PRR5L: variants seen among roughly 807,000 people sequenced by gnomAD.
PRR5L encodes proline rich 5 like.
PRR5L carries 21 observed loss-of-function variants against 36.4 expected under a neutral mutation model. That is an observed-to-expected ratio of 0.58 (90% CI 0.41 to 0.83). The LOEUF is 0.83. Among genes scored for constraint, PRR5L ranks in the 40% least tolerant of loss-of-function variants. The pLI is 0.00. For synonymous variants in PRR5L, 188 were observed against 197.0 expected (o/e 0.95, Z 0.38); for missense variants, 381 against 473.3 (o/e 0.80, Z 1.81).
intron 2 of PRR5L, among the ~76,000 whole-genome samples, chr11:36,401,709 G>A (rs1293732537): frequency 1.3e-5 from 2 of 152,162 alleles, no homozygotes; most frequent in African/African-American, 2.4e-5. Context: ...CTGGGATTAT[G>A]GGTGTGAGCT....
chr11:36,351,888 G>A (rs969115921), intron 1 of PRR5L, among the ~76,000 whole-genome samples: 27 of 148,880 alleles, frequency 1.8e-4, no homozygotes, highest in Non-Finnish European at 3.0e-4. Flanking sequence ...ATAAACATGC[G>A]TGTGCAAATA....
intron 1 of PRR5L, among the ~76,000 whole-genome samples, chr11:36,299,384 T>G (rs1175817685): frequency 1.4e-4 from 21 of 152,162 alleles, no homozygotes; most frequent in Admixed American, 1.4e-3. Context: ...CTTGGAGTGC[T>G]CCTATTGCTT....
At chr11:36,372,445 C>G (rs1565423354) in intron 1 of PRR5L, among the ~76,000 whole-genome samples, 1 of 152,172 alleles carries the variant, frequency 6.6e-6, no homozygotes, top group Non-Finnish European at 1.5e-5. Context: ...CTACTGCTTC[C>G]TTTATCTCAA....
intron 1 of PRR5L, among the ~76,000 whole-genome samples, chr11:36,346,540 G>A (rs182703253): frequency 0.012 from 1,861 of 151,846 alleles, 28 homozygotes; most frequent in South Asian, 0.03. Flanking sequence ...CCGAGATTGC[G>A]CCACTGCACT....
chr11:36,361,806 A>G (rs1036644705), intron 1 of PRR5L, among the ~76,000 whole-genome samples: 1 of 152,190 alleles, frequency 6.6e-6, no homozygotes, highest in Non-Finnish European at 1.5e-5. Context: ...GTTTTAGAGC[A>G]GCAGGTTCTA....
Position 36,446,281 on chromosome 11 carries a change from TCTC to T in PRR5L, c.445-15_445-13del. On this transcript the variant is annotated splice_polypyrimidine_tract_variant and intron_variant, in intron 6 of 8. Coordinates refer to ENST00000530639, the MANE Select transcript of PRR5L (RefSeq NM_001160167.2). ...AGTAAGCTCTCACCTCCCGGCCCTC[TCTC>T]CTCTGTCCCCTCTAGGGCCAGGAGC... 1.2e-6 allele frequency: 2 copies of T among 1,612,160 alleles called. No individual in the cohort carries two copies. Among genetic ancestry groups the T allele is most frequent in the Non-Finnish European group, 8.5e-7 (1 of 1,179,698 alleles).
intron 1 of PRR5L, among the ~76,000 whole-genome samples, chr11:36,391,681 CT>C (rs1296885455): frequency 6.6e-6 from 1 of 152,104 alleles, no homozygotes; most frequent in African/African-American, 2.4e-5. Flanking sequence ...TAGAATATTT[CT>C]TTTAATTTTT....
In PRR5L at chr11:36,346,149, A is replaced by AT. The variant is rs142699116; in HGVS notation, c.-126+49716dup. ...TCTTTTGAAGGATTTATTTTTTAAT[A>AT]TTTTTGTAGAGATGGGGCCTTATTA... On this transcript the variant is annotated intron_variant, in intron 1 of 8. Coordinates refer to ENST00000530639, the MANE Select transcript of PRR5L (RefSeq NM_001160167.2). Among the ~76,000 whole-genome samples, 358 of 152,126 alleles carry AT rather than the reference A, an allele frequency of 2.4e-3. 1 individual carries two copies. The highest frequency in any genetic ancestry group is 4.0e-3 in the Non-Finnish European group (269 of 67,972).
chr11:36,302,549 G>T (rs1283812552), intron 1 of PRR5L, among the ~76,000 whole-genome samples: 1 of 151,904 alleles, frequency 6.6e-6, no homozygotes, highest in Non-Finnish European at 1.5e-5. Flanking sequence ...ACTTTGGGAG[G>T]CCAAGGCAGG....
At chr11:36,383,400 G>A (rs1273561158) in intron 1 of PRR5L, among the ~76,000 whole-genome samples, 2 of 152,154 alleles carry the variant, frequency 1.3e-5, no homozygotes, top group Non-Finnish European at 2.9e-5. Context: ...GTCTCAAACT[G>A]GCAGCCCGTG....
intron 1 of PRR5L, among the ~76,000 whole-genome samples, chr11:36,380,931 A>G (rs949609693): frequency 3.3e-5 from 5 of 152,232 alleles, no homozygotes; most frequent in Admixed American, 6.5e-5. Context: ...AGCAGTAGAA[A>G]TCCATCTGAC....
chr11:36,409,326 C>T (rs142511986), intron 3 of PRR5L, among the ~76,000 whole-genome samples: 281 of 152,246 alleles, frequency 1.8e-3, no homozygotes, highest in Non-Finnish European at 3.5e-3. Context: ...TATCTGCAGC[C>T]GGCCTGAGAC....
chr11:36,345,091 G>A (rs1172963276), intron 1 of PRR5L, among the ~76,000 whole-genome samples: 1 of 152,178 alleles, frequency 6.6e-6, no homozygotes, highest in African/African-American at 2.4e-5. Flanking sequence ...AGGGAGGTCA[G>A]GGTGAGAGCA....
intron 1 of PRR5L, among the ~76,000 whole-genome samples, chr11:36,348,106 T>G (rs966283271): frequency 6.6e-6 from 1 of 152,186 alleles, no homozygotes; most frequent in Non-Finnish European, 1.5e-5. Flanking sequence ...TGGTTCTTAT[T>G]ATTGTGGTCG....
chr11:36,398,709 C>T (rs2133554332), intron 1 of PRR5L: 1 of 152,382 alleles, frequency 6.6e-6, no homozygotes, highest in East Asian at 1.9e-4. Context: ...TGCCCAGGCG[C>T]TTTGCTGGAC....
At chr11:36,308,925 G>T (rs1422984810) in intron 1 of PRR5L, among the ~76,000 whole-genome samples, 2 of 152,182 alleles carry the variant, frequency 1.3e-5, no homozygotes, top group East Asian at 3.8e-4. Flanking sequence ...CCTGAACTAA[G>T]GCAGAATTGC....
intron 6 of PRR5L, among the ~76,000 whole-genome samples, chr11:36,445,951 C>T (rs41461648): frequency 0.02 from 2,997 of 152,196 alleles, 106 homozygotes; most frequent in African/African-American, 0.069. Flanking sequence ...GTTGAGAAAA[C>T]GGCCTTGAAT....
chr11:36,454,302 C>G (rs1859003903), intron 8 of PRR5L, among the ~76,000 whole-genome samples: 1 of 152,094 alleles, frequency 6.6e-6, no homozygotes, highest in African/African-American at 2.4e-5. Flanking sequence ...TCTCTGGATA[C>G]TAAGAAGCTA....
intron 6 of PRR5L, among the ~76,000 whole-genome samples, chr11:36,439,909 C>CTT (rs1482103116): frequency 6.6e-6 from 1 of 152,014 alleles, no homozygotes; most frequent in East Asian, 1.9e-4. Context: ...AGGAGACAGG[C>CTT]TTGGTTTTGT....
Sources: gnomAD v4.1 joint callset for allele counts (sites outside exome capture counted in the v4.1 genomes callset) on GRCh38, gnomAD v4.1.1 for gene constraint, MANE v1.5 for transcripts, NCBI Gene and HGNC (gene_info 2026-07-23, HGNC 2026-07-21) for gene names.